The following MARCHF1 variants were observed in gnomAD, a reference collection of about 807,000 sequenced individuals.
The protein encoded by MARCHF1 is E3 ubiquitin-protein ligase MARCHF1.
A neutral mutation model predicts 54.2 loss-of-function variants in MARCHF1; 40 were observed. That is an observed-to-expected ratio of 0.74 (90% CI 0.57 to 0.96). The LOEUF (loss-of-function observed/expected upper bound fraction) is 0.96, where lower values mean the gene tolerates loss of function less well. Among genes scored for constraint, MARCHF1 ranks in the 40% least tolerant of loss-of-function variants. The probability of loss-of-function intolerance (pLI) is 0.00; values close to 1 mark genes in which losing one functional copy is unlikely to be tolerated. For synonymous variants in MARCHF1, 236 were observed against 236.3 expected, an observed-to-expected ratio of 1.00 and a Z score of 0.01; for missense variants, 586 against 656.5, an observed-to-expected ratio of 0.89 and a Z score of 1.17.
At chr4:164,055,425 G>A (rs1378291493) in intron 2 of MARCHF1, among the ~76,000 whole-genome samples, 3 of 135,116 alleles carry the variant, frequency 2.2e-5, no homozygotes, top group Non-Finnish European at 4.8e-5. Context: ...GCCTGGATGA[G>A]AGAGTGACAC....
chr4:164,315,231 CA>C (rs58264322), intron 1 of MARCHF1, among the ~76,000 whole-genome samples: 14,599 of 100,766 alleles, frequency 0.14, 485 homozygotes, highest in African/African-American at 0.21. Context: ...GTTAATTTAA[CA>C]AAAAAAAAAA....
rs1280270198 is a variant in MARCHF1, at chr4:163,529,009, C to CA, written c.1376dup (p.Val460GlyfsTer17). ...GACCTCCTGTGAAGCCAATGGCTAC[C>CA]ACAACCAGTTTTGTCCAAAATGGCC... On this transcript the variant is annotated frameshift_variant, in exon 10 of 10. Transcript: ENST00000514618. LOFTEE classifies it high-confidence loss of function. 6.2e-7 allele frequency: 1 copy of CA among 1,611,578 alleles called. No individual in the cohort carries two copies. Among genetic ancestry groups the CA allele is most frequent in the Non-Finnish European group, 8.5e-7 (1 of 1,178,580 alleles).
intron 3 of MARCHF1, among the ~76,000 whole-genome samples, chr4:163,974,944 A>C (rs553365089): frequency 6.6e-6 from 1 of 152,308 alleles, no homozygotes; most frequent in African/African-American, 2.4e-5. Flanking sequence ...TGAATTTAAA[A>C]ATAAAAGGCT....
chr4:164,367,537 T>C (rs934866027), intron 1 of MARCHF1, among the ~76,000 whole-genome samples: 3 of 151,986 alleles, frequency 2.0e-5, no homozygotes, highest in Non-Finnish European at 4.4e-5. Context: ...TATACTTTAT[T>C]GTTTTAATAT....
chr4:164,146,017 A>C, intron 1 of MARCHF1, among the ~76,000 whole-genome samples: 1 of 57,010 alleles, frequency 1.8e-5, no homozygotes, highest in Admixed American at 2.1e-4. Context: ...AAGCATTCTT[A>C]TACACCAACA....
At chr4:164,190,387 T>C (rs1413081579) in intron 1 of MARCHF1, 12 of 497,604 alleles carry the variant, frequency 2.4e-5, no homozygotes, top group Middle Eastern at 4.3e-4. Context: ...TCAGGAACTT[T>C]CCTTAGAAAA....
At chr4:164,351,556 C>G (rs1050536937) in intron 1 of MARCHF1, among the ~76,000 whole-genome samples, 1 of 152,278 alleles carries the variant, frequency 6.6e-6, no homozygotes, top group East Asian at 1.9e-4. Flanking sequence ...ACAGTCCTGT[C>G]TGTTAGAAGG....
intron 1 of MARCHF1, among the ~76,000 whole-genome samples, chr4:164,167,215 A>G (rs1266724273): frequency 1.3e-5 from 2 of 149,370 alleles, no homozygotes; most frequent in African/African-American, 5.0e-5. Context: ...AAAAGCAAAC[A>G]GTCTGTTAGG....
At chr4:164,370,398 G>A (rs1328090257) in intron 1 of MARCHF1, among the ~76,000 whole-genome samples, 1 of 152,166 alleles carries the variant, frequency 6.6e-6, no homozygotes, top group East Asian at 1.9e-4. Flanking sequence ...ATCATTGTAT[G>A]CATTCACTTC....
chr4:164,165,962 T>C (rs1356694723), intron 1 of MARCHF1, among the ~76,000 whole-genome samples: 1 of 151,954 alleles, frequency 6.6e-6, no homozygotes, highest in African/African-American at 2.4e-5. Flanking sequence ...TCATTTCATG[T>C]TTGCTTTAAT....
intron 7 of MARCHF1, among the ~76,000 whole-genome samples, chr4:163,609,438 G>T (rs4691096): frequency 4.0e-5 from 6 of 151,690 alleles, no homozygotes; most frequent in Non-Finnish European, 8.8e-5. Context: ...CTTGGTGGAA[G>T]GCTAATTTGC....
intron 1 of MARCHF1, among the ~76,000 whole-genome samples, chr4:164,370,392 T>G (rs113962261): frequency 6.6e-6 from 1 of 152,132 alleles, no homozygotes. Flanking sequence ...GTGGCCATCA[T>G]TGTATGCATT....
chr4:164,004,496 T>A (rs1201966604), intron 2 of MARCHF1, among the ~76,000 whole-genome samples: 1 of 151,998 alleles, frequency 6.6e-6, no homozygotes, highest in Non-Finnish European at 1.5e-5. Flanking sequence ...GGATAACCTA[T>A]AACAACACTG....
At chr4:163,703,248 A>G (rs1744859606) in intron 4 of MARCHF1, among the ~76,000 whole-genome samples, 1 of 152,050 alleles carries the variant, frequency 6.6e-6, no homozygotes, top group East Asian at 1.9e-4. Flanking sequence ...TTACATAAAC[A>G]TCTTATTTTC....
At position 163,631,936 on chromosome 4, in the gene MARCHF1, T is replaced by C. The variant is rs139867918; in HGVS notation, c.163-18543A>G. Among the ~76,000 whole-genome samples, 451 of 152,298 alleles carry C rather than the reference T, an allele frequency of 3.0e-3. 2 individuals are homozygous for C. The highest frequency in any genetic ancestry group is 0.01 in the African/African-American group (419 of 41,560). On this transcript the variant is annotated intron_variant, in intron 5 of 9. Transcript: ENST00000514618. ...TATTGCAAATGGCCAAAGGATTGTATAGACATTTCTTGAGAGAAGATACAC... is the reference window on the plus strand; with the variant it reads ...TATTGCAAATGGCCAAAGGATTGTACAGACATTTCTTGAGAGAAGATACAC...
chr4:164,014,329 C>T (rs1286472456), intron 2 of MARCHF1, among the ~76,000 whole-genome samples: 21 of 151,858 alleles, frequency 1.4e-4, no homozygotes, highest in East Asian at 1.9e-4. Context: ...AAGCTGTTAT[C>T]GGTTCAAACT....
chr4:164,378,468 T>C (rs1731264264), intron 1 of MARCHF1, among the ~76,000 whole-genome samples: 1 of 152,220 alleles, frequency 6.6e-6, no homozygotes. Flanking sequence ...GAAGAGCGGA[T>C]TCTCAGGAGT....
chr4:163,583,569 TA>T (rs1363865466), intron 8 of MARCHF1: 1 of 151,842 alleles, frequency 6.6e-6, no homozygotes, highest in African/African-American at 2.4e-5. Flanking sequence ...GAAACTAGGA[TA>T]TTCATCAACA....
At chr4:163,602,536 T>A (rs1344715859) in intron 7 of MARCHF1, among the ~76,000 whole-genome samples, 4 of 152,134 alleles carry the variant, frequency 2.6e-5, no homozygotes, top group African/African-American at 9.7e-5. Flanking sequence ...TGGCAGGTTA[T>A]CAGCAAAGTT....
Sources: allele counts gnomAD v4.1 joint callset (sites outside exome capture counted in the v4.1 genomes callset), GRCh38; gene constraint gnomAD v4.1.1; transcripts MANE v1.5; gene names NCBI Gene and HGNC (gene_info 2026-07-23, HGNC 2026-07-21).